The following PDCD2 variants were observed in gnomAD, a reference collection of about 807,000 sequenced individuals.
The protein encoded by PDCD2 is uS5 assembly chaperone PDCD2.
PDCD2 carries 38 observed loss-of-function variants against 38.1 expected under a neutral mutation model. That is an observed-to-expected ratio of 1.00 (90% confidence interval 0.77 to 1.31). The LOEUF is 1.31. Ranked by LOEUF, PDCD2 falls within the 50% of genes most tolerant of loss-of-function variation. The pLI is 0.00. For synonymous variants in PDCD2, 205 were observed against 168.9 expected, an observed-to-expected ratio of 1.21 and a Z score of -1.66; for missense variants, 473 against 435.7, an observed-to-expected ratio of 1.09 and a Z score of -0.76.
chr6:170,577,419 T>C lies in PDCD2; in HGVS notation c.*140A>G. The stretch of plus-strand genomic sequence containing the variant: ...TCACTGGACACTTTTGTTTCACTAA[T>C]AAGTAGACACTGTGTAAGCAATCTG... On this transcript the variant is annotated 3_prime_UTR_variant, in exon 6 of 6. Coordinates refer to ENST00000541970, the MANE Select transcript of PDCD2 (RefSeq NM_002598.4). The C allele has an allele frequency of 1.4e-6, 1 of 704,702 alleles. No individual in the cohort carries two copies. Among genetic ancestry groups the C allele is most frequent in the East Asian group, 2.7e-5 (1 of 36,436 alleles). 43.7% of individuals were successfully genotyped at this position (704,702 alleles called of 1,614,324 possible). A position where few individuals can be genotyped will look rare whatever the true frequency, so the allele number is the denominator to read the frequency against.
chr6:170,578,129 T>C (rs1010232797), intron 5 of PDCD2, among the ~76,000 whole-genome samples: 3 of 151,670 alleles, frequency 2.0e-5, no homozygotes, highest in African/African-American at 7.3e-5. Context: ...AGAGGAATCT[T>C]AGAAGTAGTC....
At chr6:170,581,014 CTG>C (rs1323394476) in intron 3 of PDCD2, 5 of 152,178 alleles carry the variant, frequency 3.3e-5, no homozygotes, top group African/African-American at 1.2e-4. Context: ...CGTTAGGACA[CTG>C]TAAATGCTGT....
chr6:170,579,204 C>G (rs1779527607), intron 4 of PDCD2: 3 of 480,290 alleles, frequency 6.2e-6, no homozygotes, highest in Non-Finnish European at 1.1e-5. Flanking sequence ...AATATATCTC[C>G]CAGATGATGC....
intron 4 of PDCD2, 117 bp from the exon 5 acceptor site, chr6:170,579,087 G>A: frequency 1.6e-6 from 1 of 627,080 alleles, no homozygotes; most frequent in Non-Finnish European, 2.7e-6. Context: ...GACCCAAAAG[G>A]CATGTCACAG....
At position 170,580,067 on chromosome 6, in the gene PDCD2, G is replaced by A. The variant is rs1779552047; in HGVS notation, c.697C>T (p.His233Tyr). ...LEEELDSMAK[H>Y]ESREDKIFQK... ...AAAATTTTATCTTCCCTGGATTCAT[G>A]TTTTGCCATGGAATCCAGTTCTTCC... The change falls in exon 4 of 6, where the codon CAT becomes TAT. Residue 233 changes from histidine (H) to tyrosine (Y), a missense_variant. His to Tyr is a moderately conservative substitution (Grantham distance 83). Coordinates refer to ENST00000541970, the MANE Select transcript of PDCD2 (RefSeq NM_002598.4). 1.2e-6 allele frequency: 2 copies of A among 1,611,774 alleles called. No homozygotes were observed. The highest frequency in any genetic ancestry group is 1.7e-5 in the Admixed American group (1 of 59,982).
chr6:170,580,722 A>G (rs1005692615), intron 3 of PDCD2, among the ~76,000 whole-genome samples: 28 of 152,112 alleles, frequency 1.8e-4, no homozygotes, highest in African/African-American at 6.3e-4. Context: ...CTCAAAAAAA[A>G]AAATGTTCAT....
intron 4 of PDCD2, 39 bp downstream of exon 4, chr6:170,579,963 T>C (rs1779548277): frequency 2.0e-6 from 2 of 1,019,970 alleles, no homozygotes; most frequent in Non-Finnish European, 3.1e-6. Context: ...AAACATGGCC[T>C]GAAGAGAACA....
intron 4 of PDCD2, 58 bp downstream of exon 4, chr6:170,579,944 A>T: frequency 1.1e-6 from 1 of 881,044 alleles, no homozygotes; most frequent in Non-Finnish European, 1.9e-6. Context: ...CTTACAGATT[A>T]TACTCATAAA....
At position 170,584,326 on chromosome 6, in the gene PDCD2, C is replaced by T; in HGVS notation, c.256G>A (p.Glu86Lys). The T allele has an allele frequency of 6.7e-7, 1 of 1,495,954 alleles. No homozygotes were observed. The highest frequency in any genetic ancestry group is 8.9e-7 in the Non-Finnish European group (1 of 1,128,056). The allele number at this position is 1,495,954 out of a possible 1,614,324, so 92.7% of individuals were successfully genotyped here. ...CGCAGGCCGGCACAGCACGGCTGCT[C>T]GCGGCAGCAGAAGAGGAAGATGCAG... Reference protein sequence around the residue: ...HRCIFLFCCREQPCCAGLRVF... With the variant: ...HRCIFLFCCRKQPCCAGLRVF... The change falls in exon 1 of 6, where the codon GAG becomes AAG. Residue 86 changes from glutamate (E) to lysine (K), a missense_variant. Transcript: ENST00000541970.
rs1562370505 is a variant in PDCD2 at position 170,583,678 on chromosome 6, G to T, written c.353C>A (p.Pro118Gln). The T allele has an allele frequency of 1.9e-6, 3 of 1,613,896 alleles. No individual in the cohort carries two copies. The highest frequency in any genetic ancestry group is 8.5e-7 in the Non-Finnish European group (1 of 1,179,802). The change falls in exon 2 of 6, where the codon CCA becomes CAA. Residue 118 changes from proline (P) to glutamine (Q), a missense_variant. Coordinates refer to ENST00000541970, the MANE Select transcript of PDCD2 (RefSeq NM_002598.4). ...SYEPPSENPPPETGESVCLQL... is the reference protein window; with the variant it reads ...SYEPPSENPPQETGESVCLQL... The stretch of plus-strand genomic sequence containing the variant: ...GAGACACACTGATTCTCCTGTTTCT[G>T]GGGGAGGATTCTCAGAAGGTGGCTC...
chr6:170,583,210 T>G (rs1233020337), intron 2 of PDCD2, 22 bp from the exon 3 acceptor site: 13 of 1,475,702 alleles, frequency 8.8e-6, no homozygotes, highest in Non-Finnish European at 1.2e-5. Flanking sequence ...AGGACAGCAC[T>G]ATTAGTAATC....
In PDCD2 at chr6:170,584,394, T is replaced by A; in HGVS notation, c.188A>T (p.Gln63Leu). The change falls in exon 1 of 6, where the codon CAG becomes CTG. Residue 63 changes from glutamine (Q) to leucine (L), a missense_variant. Gln to Leu is a moderately radical substitution (Grantham distance 113). Transcript: ENST00000541970. ...GCGGCCAGGCAGCGGCGCATACACC[T>A]GCAGCAGGAAGGAGAGCGGGCGGCC... ...LCGRPLSFLL[Q>L]VYAPLPGRPD... is the part of the protein sequence containing the mutation. The A allele has an allele frequency of 6.9e-7, 1 of 1,454,694 alleles. No homozygotes were observed. Among genetic ancestry groups the A allele is most frequent in the Non-Finnish European group, 9.0e-7 (1 of 1,108,410 alleles). 90.1% of individuals were successfully genotyped at this position (1,454,694 alleles called of 1,614,324 possible).
chr6:170,578,985 G>A lies in PDCD2; in HGVS notation c.763-15C>T, dbSNP rs756459083. On this transcript the variant is annotated splice_polypyrimidine_tract_variant and intron_variant, in intron 4 of 5. Transcript: ENST00000541970. Reference sequence around the variant, plus strand: ...TATCTAAGAATCTAAAATCAATGAAGATCATGTTCAAATAATCAATACCTT... The same window carrying A: ...TATCTAAGAATCTAAAATCAATGAAAATCATGTTCAAATAATCAATACCTT... 1.4e-6 allele frequency: 2 copies of A among 1,462,106 alleles called. No individual in the cohort carries two copies. Among genetic ancestry groups the A allele is most frequent in the Non-Finnish European group, 1.9e-6 (2 of 1,060,640 alleles). 90.6% of individuals were successfully genotyped at this position (1,462,106 alleles called of 1,614,324 possible).
chr6:170,582,175 T>C, intron 3 of PDCD2: 1 of 1,510,304 alleles, frequency 6.6e-7, no homozygotes, highest in Non-Finnish European at 8.9e-7. Context: ...TATCAGTCAT[T>C]ATATGGACTT....
intron 3 of PDCD2, chr6:170,581,970 C>T (rs956465458): frequency 3.1e-6 from 2 of 641,882 alleles, no homozygotes; most frequent in African/African-American, 3.7e-5. Flanking sequence ...GTTCCACAGT[C>T]ACATTTACAC....
Position 170,584,437 on chromosome 6 carries a change from G to C in PDCD2, c.145C>G (p.Leu49Val), listed in dbSNP as rs1260727509. 2.2e-6 allele frequency: 3 copies of C among 1,342,600 alleles called. No homozygotes were observed. The highest frequency in any genetic ancestry group is 2.0e-5 in the South Asian group (1 of 48,996). 83.2% of individuals were successfully genotyped at this position (1,342,600 alleles called of 1,614,324 possible). ...GAAGLPGPQALACELCGRPLS... is the reference protein window; with the variant it reads ...GAAGLPGPQAVACELCGRPLS... ...GGGCGGCCGCACAGCTCGCAGGCCA[G>C]GGCCTGGGGCCCCGGCAGCCCGGCC... The change falls in exon 1 of 6, where the codon CTG becomes GTG. Residue 49 changes from leucine to valine, a missense_variant. Coordinates refer to ENST00000541970, the MANE Select transcript of PDCD2 (RefSeq NM_002598.4).
intron 1 of PDCD2, chr6:170,583,967 A>G: frequency 1.8e-6 from 1 of 558,822 alleles, no homozygotes; most frequent in Non-Finnish European, 3.1e-6. Context: ...AATAAGACTG[A>G]TCGTTAAGAA....
chr6:170,578,677 A>G, intron 5 of PDCD2, 180 bp downstream of exon 5: 1 of 705,074 alleles, frequency 1.4e-6, no homozygotes, highest in East Asian at 2.7e-5. Flanking sequence ...GAAAAAAACA[A>G]GACAGTTCCT....
rs1354891914 is a variant in PDCD2, at chr6:170,576,680, T to G, written c.*879A>C. On this transcript the variant is annotated 3_prime_UTR_variant, in exon 6 of 6. Transcript: ENST00000541970. Reference sequence around the variant, plus strand: ...CTTCAGGGCCTTCCTTTCCTCAGGCTGCTGCCTCCTAGGCCAGACCCTTAT... The same window carrying G: ...CTTCAGGGCCTTCCTTTCCTCAGGCGGCTGCCTCCTAGGCCAGACCCTTAT... 6.6e-6 allele frequency: 1 copy of G among 152,316 alleles called. No individual in the cohort carries two copies. The highest frequency in any genetic ancestry group is 1.5e-5 in the Non-Finnish European group (1 of 68,098). 9.4% of individuals were successfully genotyped at this position (152,316 alleles called of 1,614,324 possible).
Sources: allele counts gnomAD v4.1 joint callset (sites outside exome capture counted in the v4.1 genomes callset), GRCh38; gene constraint gnomAD v4.1.1; transcripts MANE v1.5; gene names NCBI Gene and HGNC (gene_info 2026-07-23, HGNC 2026-07-21).